Variants in DOCK9 observed in about 807,000 individuals in gnomAD.
DOCK9 encodes dedicator of cytokinesis 9.
A neutral mutation model predicts 263.3 loss-of-function variants in DOCK9; 89 were observed. The observed-to-expected ratio is 0.34, with a 90% CI of 0.28 to 0.40. DOCK9 has a LOEUF of 0.40. Among genes scored for constraint, DOCK9 ranks in the 10% least tolerant of loss-of-function variants. The probability of loss-of-function intolerance (pLI) is 1.00; values close to 1 mark genes in which losing one functional copy is unlikely to be tolerated. For synonymous variants in DOCK9, 976 were observed against 973.1 expected (o/e 1.00, Z -0.06); for missense variants, 2,140 against 2,603.4 (o/e 0.82, Z 3.87).
intron 5 of DOCK9, 33 bp from the exon 6 acceptor site, chr13:98,922,179 T>G (rs1470349020): frequency 6.6e-7 from 1 of 1,504,230 alleles, no homozygotes; most frequent in South Asian, 1.2e-5. Flanking sequence ...GCAGTCAACC[T>G]CCCGTTATTA....
intron 1 of DOCK9, among the ~76,000 whole-genome samples, chr13:99,062,902 C>G (rs2041254679): frequency 6.6e-6 from 1 of 152,180 alleles, no homozygotes; most frequent in Non-Finnish European, 1.5e-5. Flanking sequence ...AATTATGGAG[C>G]TGCCAGCCCA....
chr13:99,000,878 A>G (rs927580385), intron 1 of DOCK9, among the ~76,000 whole-genome samples: 1 of 152,192 alleles, frequency 6.6e-6, no homozygotes, highest in African/African-American at 2.4e-5. Context: ...GAAACTGTTA[A>G]GTTCTGGCAG....
rs2092503661 is a variant in DOCK9, at chr13:98,825,796, G to A, written c.5023+1034C>T. Reference sequence around the variant, plus strand: ...AAGTCTGTCCATGCAAAGTTAAAAGGGCAAATCCCCCACCACGGGAGGGCA... The same window carrying A: ...AAGTCTGTCCATGCAAAGTTAAAAGAGCAAATCCCCCACCACGGGAGGGCA... On this transcript the variant is annotated intron_variant, in intron 44 of 52. Coordinates refer to ENST00000682017, the MANE Select transcript of DOCK9 (RefSeq NM_001366683.2). This position sits in a 1 kb window ranked among gnomAD's most constrained non-coding sequence, Gnocchi z 4.1. 6 of 1,012,182 alleles carry A rather than the reference G, an allele frequency of 5.9e-6. No homozygotes were observed. Among genetic ancestry groups the A allele is most frequent in the Admixed American group, 3.7e-5 (1 of 27,254 alleles). 62.7% of individuals were successfully genotyped at this position (1,012,182 alleles called of 1,614,324 possible).
chr13:98,888,050 T>G, intron 18 of DOCK9, 108 bp downstream of exon 18: 2 of 702,202 alleles, frequency 2.8e-6, no homozygotes, highest in Non-Finnish European at 4.7e-6. Context: ...TTGATTTGTG[T>G]CAATTAAAAT....
intron 23 of DOCK9, 149 bp downstream of exon 23, chr13:98,882,893 T>A (rs1251322469): frequency 1.6e-6 from 1 of 639,550 alleles, no homozygotes; most frequent in African/African-American, 1.8e-5. Flanking sequence ...GGTCCACTTC[T>A]TACCACTATC....
At chr13:99,025,432 A>C (rs1437324789) in intron 1 of DOCK9, 1 of 152,372 alleles carries the variant, frequency 6.6e-6, no homozygotes, top group East Asian at 1.9e-4. Flanking sequence ...GGGAAATGCA[A>C]GTCAAAACGA....
chr13:98,881,608 C>T lies in DOCK9; in HGVS notation c.2695G>A (p.Ala899Thr). ...TCCAATCCTTCCTCATGGCACTGGG[C>T]AACCACATGAATAATGACCCTACAC... ...NVTRVIIHVV[A>T]QCHEEGLESH... The change falls in exon 25 of 53, where the codon GCC (alanine) becomes ACC (threonine). Residue 899 changes from alanine (A) to threonine (T), a missense_variant. Ala to Thr is a moderately conservative substitution (Grantham distance 58). Transcript: ENST00000682017. 1 of 1,609,036 alleles carries T rather than the reference C, an allele frequency of 6.2e-7. No individual in the cohort carries two copies. The highest frequency in any genetic ancestry group is 8.5e-7 in the Non-Finnish European group (1 of 1,177,846).
chr13:99,054,104 C>T (rs576049601), intron 1 of DOCK9, among the ~76,000 whole-genome samples: 14 of 152,184 alleles, frequency 9.2e-5, no homozygotes, highest in African/African-American at 2.7e-4. Context: ...AATTCTTTGC[C>T]GCATCTCAAA....
At chr13:99,051,855 C>CAAAAAAAAAAAAAA (rs11392986) in intron 1 of DOCK9, among the ~76,000 whole-genome samples, 16 of 106,052 alleles carry the variant, frequency 1.5e-4, no homozygotes, top group Non-Finnish European at 1.9e-4. Flanking sequence ...CCACTAGTGG[C>CAAAAAAAAAAAAAA]AAAAAAAAAA....
chr13:99,009,747 G>A (rs2141921305), intron 1 of DOCK9, among the ~76,000 whole-genome samples: 1 of 152,040 alleles, frequency 6.6e-6, no homozygotes, highest in East Asian at 1.9e-4. Flanking sequence ...CTTCAACTCT[G>A]CTGTCTTTGC....
At position 99,004,837 on chromosome 13, in the gene DOCK9, C is replaced by A. The variant is rs548705267; in HGVS notation, c.130-49286G>T. ...CACACACACAGTCACATGTACTTCA[C>A]ACACACATATTCATATCCAAACCTT... is the stretch of plus-strand genomic sequence containing the variant. On this transcript the variant is annotated intron_variant, in intron 1 of 32. Transcript: ENST00000427887. Among the ~76,000 whole-genome samples the A allele has an allele frequency of 1.2e-4, 18 of 151,882 alleles. No homozygotes were observed. In the South Asian group the frequency reaches 3.5e-3, roughly 30 times the overall value.
Position 98,797,434 on chromosome 13 carries a change from T to C in DOCK9, c.5972A>G (p.Lys1991Arg). 6.2e-7 allele frequency: 1 copy of C among 1,613,678 alleles called. No homozygotes were observed. Among genetic ancestry groups the C allele is most frequent in the Non-Finnish European group, 8.5e-7 (1 of 1,179,760 alleles). ...ARAFLDDTNT[K>R]RYPDNKVKLL... is the part of the protein sequence containing the mutation. ...CTTCACTTTATTGTCAGGATATCGCTTTGTGTTTGTATCATCTAAGAAAGC... is the reference window on the plus strand; with the variant it reads ...CTTCACTTTATTGTCAGGATATCGCCTTGTGTTTGTATCATCTAAGAAAGC... Residue 1991 changes from lysine to arginine, a missense_variant, in exon 51 of 53, where the codon AAG (lysine) becomes AGG (arginine). By Grantham distance (26) the Lys-to-Arg change is conservative. Coordinates refer to ENST00000682017, the MANE Select transcript of DOCK9 (RefSeq NM_001366683.2).
intron 1 of DOCK9, among the ~76,000 whole-genome samples, chr13:99,013,908 CA>C (rs1884962996): frequency 6.6e-6 from 1 of 152,208 alleles, no homozygotes; most frequent in Non-Finnish European, 1.5e-5. Context: ...ACGACACCAA[CA>C]GAGAGACAAG....
intron 1 of DOCK9, among the ~76,000 whole-genome samples, chr13:98,999,279 C>T (rs559407368): frequency 1.3e-4 from 17 of 130,222 alleles, no homozygotes; most frequent in South Asian, 6.0e-4. Flanking sequence ...GATGTGTGCA[C>T]GCATGCACGC....
Position 98,955,475 on chromosome 13 carries a change from C to G in DOCK9, c.203G>C (p.Cys68Ser). The G allele has an allele frequency of 6.3e-7, 1 of 1,597,860 alleles. No homozygotes were observed. ...VQKKTQILND[C>S]LREMLLFPYD... ...AGGGAAGAGCAGCATCTCCCGTAAA[C>G]AGTCGTTCAGGATCTGAGTCTTCTT... The change falls in exon 2 of 53, where the codon TGT becomes TCT. Residue 68 changes from cysteine (C) to serine (S), a missense_variant. Physicochemically the swap from Cys to Ser is moderately radical, Grantham distance 112. Around this residue, in one of 2 missense-constraint regions of DOCK9, gnomAD observed 1,521 missense variants for 1,741.7 expected, o/e 0.87. Coordinates refer to ENST00000682017, the MANE Select transcript of DOCK9 (RefSeq NM_001366683.2).
chr13:98,896,005 C>G (rs1423656388), intron 15 of DOCK9, among the ~76,000 whole-genome samples: 1 of 152,172 alleles, frequency 6.6e-6, no homozygotes, highest in African/African-American at 2.4e-5. Flanking sequence ...TCATCCTTCA[C>G]CAGTATCCTC....
At chr13:99,052,586 C>CT (rs770706420) in intron 1 of DOCK9, among the ~76,000 whole-genome samples, 2 of 151,664 alleles carry the variant, frequency 1.3e-5, no homozygotes, top group Non-Finnish European at 1.5e-5. Context: ...GGCTATTGCC[C>CT]TTTTTTTTGG....
chr13:99,056,767 G>T (rs2040943365), intron 1 of DOCK9, among the ~76,000 whole-genome samples: 1 of 152,178 alleles, frequency 6.6e-6, no homozygotes. Context: ...GGCAATCAGG[G>T]TCATTCATGC....
chr13:98,942,928 C>A (rs566857198), intron 2 of DOCK9, among the ~76,000 whole-genome samples: 1 of 152,302 alleles, frequency 6.6e-6, no homozygotes, highest in Non-Finnish European at 1.5e-5. Flanking sequence ...TTTGATGGGA[C>A]CACCACTGTT....
Sources: allele counts gnomAD v4.1 joint callset (sites outside exome capture counted in the v4.1 genomes callset), GRCh38; gene constraint gnomAD v4.1.1; regional missense constraint gnomAD v4.1.1; non-coding constraint Gnocchi (gnomAD v3.1); transcripts MANE v1.5; gene names NCBI Gene and HGNC (gene_info 2026-07-23, HGNC 2026-07-21).